Variants in ZNF124 observed in about 807,000 individuals in gnomAD.
ZNF124 encodes the protein zinc finger protein HZF-16.
Under a neutral mutation model 26.6 loss-of-function variants are expected in ZNF124, and 25 were observed. The observed-to-expected ratio is 0.94, with a 90% CI of 0.68 to 1.31. The LOEUF (loss-of-function observed/expected upper bound fraction) is 1.31. Ranked by LOEUF, ZNF124 falls within the 40% of genes most tolerant of loss-of-function variation. ZNF124 has a pLI of 0.00. For synonymous variants in ZNF124, 129 were observed against 133.3 expected (o/e 0.97, Z 0.22); for missense variants, 444 against 422.2 (o/e 1.05, Z -0.45).
intron 3 of ZNF124, among the ~76,000 whole-genome samples, chr1:247,158,214 C>T (rs1222970237): frequency 6.6e-6 from 1 of 152,132 alleles, no homozygotes; most frequent in Admixed American, 6.5e-5. Flanking sequence ...TGCACCACTG[C>T]ACTCCAGTCT....
rs1672577557 is a variant in ZNF124, at chr1:247,139,713, TG to T, written c.219-15843del. Among the ~76,000 whole-genome samples the T allele has an allele frequency of 3.9e-5, 6 of 152,346 alleles. No homozygotes were observed. The South Asian group carries it at 1.2e-3, about 32-fold the overall frequency. On this transcript the variant is annotated intron_variant, in intron 3 of 3. Coordinates refer to the ZNF124 transcript ENST00000472531. ...GGTGGTAATGAACTCCCTCAGCATTTGCTTGTCTGAAAAGGATCTTATTTCC... is the reference window on the plus strand; with the variant it reads ...GGTGGTAATGAACTCCCTCAGCATTTCTTGTCTGAAAAGGATCTTATTTCC...
At chr1:247,159,637 GA>G in intron 2 of ZNF124, 49 bp downstream of exon 2, 1 of 1,586,122 alleles carries the variant, frequency 6.3e-7, no homozygotes, top group Non-Finnish European at 8.6e-7. Context: ...TGAAAACCAT[GA>G]AACACTTACT....
chr1:247,155,146 A>T lies in ZNF124; in HGVS notation c.*1420T>A, dbSNP rs1010631502. On this transcript the variant is annotated 3_prime_UTR_variant, in exon 4 of 4. Coordinates refer to ENST00000543802, the MANE Select transcript of ZNF124 (RefSeq NM_001297568.2). ...TTACCTATGCAAATAGCCAAAAATA[A>T]TGACAATGTAAAGAACAACAGATGA... is the stretch of plus-strand genomic sequence containing the variant. 6.6e-6 allele frequency among the ~76,000 whole-genome samples: 1 copy of T among 152,202 alleles called. No individual in the cohort carries two copies. The highest frequency in any genetic ancestry group is 1.5e-5 in the Non-Finnish European group (1 of 68,034).
At chr1:247,151,214 T>C (rs1052381163), downstream of ZNF124, among the ~76,000 whole-genome samples, 1 of 151,936 alleles carries the variant, frequency 6.6e-6, no homozygotes, top group Non-Finnish European at 1.5e-5. Context: ...GCGCGGTGGC[T>C]CACGCCTGTA....
At chr1:247,130,757 T>G (rs1055751650) in intron 3 of ZNF124, among the ~76,000 whole-genome samples, 1 of 152,228 alleles carries the variant, frequency 6.6e-6, no homozygotes, top group African/African-American at 2.4e-5. Context: ...TGCTGGACTC[T>G]TCAAACACTG....
chr1:247,164,868 C>T (rs1455150332), intron 1 of ZNF124, among the ~76,000 whole-genome samples: 1 of 152,162 alleles, frequency 6.6e-6, no homozygotes, highest in Admixed American at 6.5e-5. Flanking sequence ...TACTACAAAG[C>T]TACTGTAACC....
downstream of ZNF124, among the ~76,000 whole-genome samples, chr1:247,150,960 C>T (rs1021519838): frequency 2.6e-5 from 4 of 151,186 alleles, no homozygotes; most frequent in African/African-American, 9.7e-5. Context: ...AGAGAGATAC[C>T]AAAGAAAGGA....
At chr1:247,125,714 GTTTA>G (rs750946084) in intron 3 of ZNF124, among the ~76,000 whole-genome samples, 6 of 134,754 alleles carry the variant, frequency 4.5e-5, no homozygotes, top group South Asian at 4.8e-4. Flanking sequence ...CCAGCCATCT[GTTTA>G]TTTATTTCAT....
chr1:247,130,397 G>A (rs1047612715), intron 3 of ZNF124, among the ~76,000 whole-genome samples: 1 of 152,132 alleles, frequency 6.6e-6, no homozygotes, highest in African/African-American at 2.4e-5. Context: ...TTCCATTATG[G>A]CTGCAGAAAA....
Position 247,159,665 on chromosome 1 carries a change from G to T in ZNF124, c.157+22C>A, listed in dbSNP as rs9645317. 3.1e-6 allele frequency: 5 copies of T among 1,605,510 alleles called. 1 individual carries two copies. The South Asian group carries it at 5.6e-5, about 18-fold the overall frequency. On this transcript the variant is annotated intron_variant, in intron 2 of 3. Transcript: ENST00000543802. ...ACACTTACTTTCTGATTGACTAAGTGAAGAAATATTGTGATTCTTACCTAT... is the reference window on the plus strand; with the variant it reads ...ACACTTACTTTCTGATTGACTAAGTTAAGAAATATTGTGATTCTTACCTAT...
intron 1 of ZNF124, among the ~76,000 whole-genome samples, chr1:247,165,766 CTT>C (rs1673744603): frequency 6.6e-6 from 1 of 152,126 alleles, no homozygotes; most frequent in African/African-American, 2.4e-5. Context: ...GACATGAACA[CTT>C]TTCAAAAGAT....
intron 3 of ZNF124, among the ~76,000 whole-genome samples, chr1:247,135,235 C>CA (rs937343934): frequency 1.3e-5 from 2 of 151,688 alleles, no homozygotes; most frequent in Non-Finnish European, 2.9e-5. Flanking sequence ...AAAAACCCTC[C>CA]AAAAAAATCA....
In ZNF124 at chr1:247,156,450, T is replaced by G. The variant is rs553930382; in HGVS notation, c.*116A>C. 3.0e-5 allele frequency: 41 copies of G among 1,348,178 alleles called. No individual in the cohort carries two copies. The African/African-American group carries it at 5.6e-4, about 18-fold the overall frequency. 83.5% of individuals were successfully genotyped at this position (1,348,178 alleles called of 1,614,324 possible). A position where few individuals can be genotyped will look rare whatever the true frequency, so the allele number is the denominator to read the frequency against. On this transcript the variant is annotated 3_prime_UTR_variant, in exon 4 of 4. Coordinates refer to ENST00000543802, the MANE Select transcript of ZNF124 (RefSeq NM_001297568.2). ...GGGTTTATCTCCAGTTTGATTCGTTTCATGTATTTGAGGAAATCTGGGAAA... is the reference window on the plus strand; with the variant it reads ...GGGTTTATCTCCAGTTTGATTCGTTGCATGTATTTGAGGAAATCTGGGAAA...
intron 1 of ZNF124, among the ~76,000 whole-genome samples, chr1:247,166,556 AAGC>A (rs1245376465): frequency 6.6e-6 from 1 of 152,246 alleles, no homozygotes; most frequent in Admixed American, 6.5e-5. Context: ...TTTACAAAAT[AAGC>A]AGAATACATA....
intron 3 of ZNF124, 80 bp downstream of exon 3, chr1:247,158,926 G>A (rs1459636987): frequency 3.0e-6 from 4 of 1,331,782 alleles, no homozygotes; most frequent in East Asian, 2.4e-5. Flanking sequence ...ACCATGCCTG[G>A]CCTTGTTTGC....
intron 1 of ZNF124, among the ~76,000 whole-genome samples, chr1:247,160,840 A>G (rs1673437830): frequency 1.3e-5 from 2 of 152,130 alleles, no homozygotes; most frequent in African/African-American, 4.8e-5. Context: ...GTAGAAGCTT[A>G]TAAGTGCTTC....
intron 3 of ZNF124, among the ~76,000 whole-genome samples, chr1:247,131,310 C>G (rs6658993): frequency 6.6e-6 from 1 of 152,106 alleles, no homozygotes; most frequent in African/African-American, 2.4e-5. Context: ...GTGCAACCCA[C>G]GGATTGGAAG....
At chr1:247,157,566 G>T in intron 3 of ZNF124, 163 bp from the exon 4 acceptor site, 1 of 657,160 alleles carries the variant, frequency 1.5e-6, no homozygotes, top group Non-Finnish European at 2.7e-6. Context: ...TATGACTTCT[G>T]CAAAAAATGA....
chr1:247,125,493 G>GGGTGC (rs1672193638), intron 3 of ZNF124, among the ~76,000 whole-genome samples: 1 of 118,782 alleles, frequency 8.4e-6, no homozygotes, highest in Admixed American at 9.5e-5. Context: ...GCCCAGGCTG[G>GGGTGC]AGATCTCCAC....
Sources: gnomAD v4.1 joint callset for allele counts (sites outside exome capture counted in the v4.1 genomes callset) on GRCh38, gnomAD v4.1.1 for gene constraint, MANE v1.5 for transcripts, NCBI Gene and HGNC (gene_info 2026-07-23, HGNC 2026-07-21) for gene names.